ZC3H12B: variants seen among roughly 807,000 people sequenced by gnomAD.
The protein encoded by ZC3H12B is zinc finger CCCH-type containing 12B.
In ZC3H12B, 7 loss-of-function variants were observed where a neutral mutation model predicts 43.9. That is an observed-to-expected ratio of 0.16 (90% CI 0.09 to 0.30). The LOEUF (loss-of-function observed/expected upper bound fraction) is 0.30, where lower values mean the gene tolerates loss of function less well. Ranked by LOEUF, ZC3H12B falls within the 10% of genes least tolerant of loss-of-function variation. ZC3H12B has a pLI of 1.00. For missense variants in ZC3H12B, 475 were observed against 670.2 expected (o/e 0.71, Z 3.22); for synonymous variants, 222 against 241.7 (o/e 0.92, Z 0.76).
At chrX:65,230,064 T>C in the ZC3H12B span, among the ~76,000 whole-genome samples, 1 of 111,447 alleles carries the variant, frequency 9.0e-6, no homozygotes, top group East Asian at 2.8e-4. Context: ...TAAATCTTGC[T>C]GCTATAAAGA....
the ZC3H12B span, among the ~76,000 whole-genome samples, chrX:65,100,041 G>T: frequency 8.9e-6 from 1 of 111,735 alleles, no homozygotes; most frequent in Non-Finnish European, 1.9e-5. Context: ...GAACATAAAT[G>T]AACTGATGAT....
chrX:65,227,881 G>T, the ZC3H12B span, among the ~76,000 whole-genome samples: 1 of 111,497 alleles, frequency 9.0e-6, no homozygotes, highest in African/African-American at 3.3e-5. Context: ...TGAAATTGTG[G>T]CAATAATCAA....
chrX:65,242,741 A>G, the ZC3H12B span, among the ~76,000 whole-genome samples: 1 of 112,452 alleles, frequency 8.9e-6, no homozygotes, highest in African/African-American at 3.2e-5. Context: ...CTACAAAGGT[A>G]TAGTACCCAA....
At chrX:65,386,663 G>T (rs1391614588) in intron 2 of ZC3H12B, among the ~76,000 whole-genome samples, 2 of 111,211 alleles carry the variant, frequency 1.8e-5, no homozygotes, top group Admixed American at 1.9e-4. Flanking sequence ...TGCTCTGACT[G>T]TAGTTATTTC....
At chrX:65,344,910 T>C in the ZC3H12B span, among the ~76,000 whole-genome samples, 1 of 112,137 alleles carries the variant, frequency 8.9e-6, no homozygotes, top group African/African-American at 3.2e-5. Context: ...GAACAGACAC[T>C]TTTTAAAAGA....
At chrX:65,270,997 G>A in the ZC3H12B span, 1 of 112,390 alleles carries the variant, frequency 8.9e-6, no homozygotes, top group Non-Finnish European at 1.9e-5. Flanking sequence ...GGCAAAAGAG[G>A]TTGCTAATGC....
chrX:65,427,032 G>A (rs755164499), intron 3 of ZC3H12B, among the ~76,000 whole-genome samples: 8 of 111,540 alleles, frequency 7.2e-5, no homozygotes, highest in South Asian at 3.8e-4. Flanking sequence ...TTTCTGTCTC[G>A]ATGATCTGTC....
At chrX:65,334,217 G>A in the ZC3H12B span, among the ~76,000 whole-genome samples, 51 of 111,769 alleles carry the variant, frequency 4.6e-4, no homozygotes, top group African/African-American at 1.2e-3. Context: ...AGGAAACCCC[G>A]TTGTGCTTTT....
chrX:65,302,555 A>G, the ZC3H12B span, among the ~76,000 whole-genome samples: 2 of 112,413 alleles, frequency 1.8e-5, no homozygotes, highest in African/African-American at 6.4e-5. Flanking sequence ...ATGGATAGTA[A>G]GAAAATATTT....
the ZC3H12B span, among the ~76,000 whole-genome samples, chrX:65,159,216 AG>A: frequency 4.5e-5 from 5 of 111,931 alleles, no homozygotes; most frequent in Admixed American, 3.8e-4. Context: ...TGATGCCTCC[AG>A]CTTTGTTCTT....
At chrX:65,151,394 G>C in the ZC3H12B span, among the ~76,000 whole-genome samples, 1 of 111,965 alleles carries the variant, frequency 8.9e-6, no homozygotes, top group African/African-American at 3.2e-5. Flanking sequence ...CAAGTTCAGA[G>C]AAAAAATTGA....
chrX:65,071,386 A>G, the ZC3H12B span, among the ~76,000 whole-genome samples: 2 of 105,985 alleles, frequency 1.9e-5, no homozygotes, highest in South Asian at 4.2e-4. Flanking sequence ...AAAACACCAT[A>G]CCATTGGGCC....
chrX:65,116,687 G>C, the ZC3H12B span, among the ~76,000 whole-genome samples: 1 of 109,890 alleles, frequency 9.1e-6, no homozygotes, highest in Admixed American at 9.7e-5. Flanking sequence ...TTTACATTAG[G>C]TATATCTCCT....
chrX:65,094,738 G>A, the ZC3H12B span, among the ~76,000 whole-genome samples: 418 of 111,789 alleles, frequency 3.7e-3, 3 homozygotes, highest in Admixed American at 6.2e-3. Flanking sequence ...AATTAAAATT[G>A]TTGTAATTGT....
the ZC3H12B span, among the ~76,000 whole-genome samples, chrX:65,202,484 T>A: frequency 9.1e-6 from 1 of 110,079 alleles, no homozygotes; most frequent in Non-Finnish European, 1.9e-5. Context: ...CTTTGCATAC[T>A]CAGATTACAG....
At position 65,415,296 on chromosome X, in the gene ZC3H12B, A is replaced by T. The variant is rs141500008; in HGVS notation, n.407+16592A>T. 3.5e-5 allele frequency among the ~76,000 whole-genome samples: 4 copies of T among 112,715 alleles called. No individual in the cohort carries two copies. In the East Asian group the frequency reaches 8.4e-4, roughly 24 times the overall value. ...TCTCAGCAAACCTAAAAATTACCCA[A>T]CTTTGTTAATTCTCTCCTGGATGGA... On this transcript the variant is annotated intron_variant and non_coding_transcript_variant, in intron 3 of 5. Coordinates refer to the ZC3H12B transcript ENST00000617377.
chrX:65,053,133 G>A, the ZC3H12B span, among the ~76,000 whole-genome samples: 1 of 110,316 alleles, frequency 9.1e-6, no homozygotes, highest in African/African-American at 3.3e-5. Context: ...TATACTTTAA[G>A]TTTTAGGGTA....
chrX:65,365,588 C>A (rs1264909560), upstream of ZC3H12B, among the ~76,000 whole-genome samples: 2 of 110,831 alleles, frequency 1.8e-5, no homozygotes, highest in Admixed American at 9.6e-5. Context: ...CCATACCATC[C>A]CCCAAAATTT....
the ZC3H12B span, among the ~76,000 whole-genome samples, chrX:65,226,703 G>C: frequency 3.6e-5 from 4 of 110,452 alleles, no homozygotes; most frequent in African/African-American, 1.3e-4. Context: ...CAAGCAAATG[G>C]AAAACAAAAA....
Sources: gnomAD v4.1 joint callset for allele counts (sites outside exome capture counted in the v4.1 genomes callset) on GRCh38, gnomAD v4.1.1 for gene constraint, MANE v1.5 for transcripts, NCBI Gene and HGNC (gene_info 2026-07-23, HGNC 2026-07-21) for gene names.